Variants in DCHS2 observed in about 807,000 individuals in gnomAD.
The protein encoded by DCHS2 is protocadherin-23.
DCHS2 carries 142 observed loss-of-function variants against 182.4 expected under a neutral mutation model. The observed-to-expected ratio is 0.78, with a 90% CI of 0.68 to 0.89. The LOEUF (loss-of-function observed/expected upper bound fraction) is 0.89, where lower values mean the gene tolerates loss of function less well. Ranked by LOEUF, DCHS2 falls within the 40% of genes least tolerant of loss-of-function variation. DCHS2 has a pLI of 0.00. For missense variants in DCHS2, 4,319 were observed against 4,198.6 expected, an observed-to-expected ratio of 1.03 and a Z score of -0.79; for synonymous variants, 1,740 against 1,663.3, an observed-to-expected ratio of 1.05 and a Z score of -1.12.
chr4:154,417,655 C>T (rs1732929523), intron 1 of DCHS2, among the ~76,000 whole-genome samples: 1 of 152,188 alleles, frequency 6.6e-6, no homozygotes, highest in African/African-American at 2.4e-5. Context: ...TCAGATTTCA[C>T]TGAGCACCCT....
intron 16 of DCHS2, among the ~76,000 whole-genome samples, chr4:154,245,738 G>C (rs1732042257): frequency 6.6e-6 from 1 of 152,084 alleles, no homozygotes; most frequent in African/African-American, 2.4e-5. Flanking sequence ...AATGAGGGAA[G>C]ATATTAGTGG....
rs2111058951 is a variant in DCHS2 at position 154,490,585 on chromosome 4, C to T, written c.771G>A (p.Glu257=). The T allele has an allele frequency of 1.9e-6, 3 of 1,545,550 alleles. No individual in the cohort carries two copies. Among genetic ancestry groups the T allele is most frequent in the Non-Finnish European group, 2.6e-6 (3 of 1,146,260 alleles). ...TCTGCAGCCGGTGCGCCGCCGCCTC[C>T]TCTCGGTCCAAGCGCCGCAGCAGCA... The part of the protein sequence containing the change: ...DLVLLRRLDR[E]EAAAHRLQIE... The change falls in exon 1 of 20, where the codon GAG becomes GAA. Residue 257 remains glutamate, a synonymous_variant. Coordinates refer to ENST00000357232, the MANE Select transcript of DCHS2 (RefSeq NM_001358235.2).
chr4:154,262,400 T>C (rs1239390084), intron 14 of DCHS2, among the ~76,000 whole-genome samples: 6 of 152,230 alleles, frequency 3.9e-5, no homozygotes, highest in African/African-American at 1.4e-4. Flanking sequence ...AAGCGTGTAC[T>C]GTCATCAGTG....
chr4:154,386,228 C>T (rs1473579915), intron 1 of DCHS2, among the ~76,000 whole-genome samples: 1 of 152,190 alleles, frequency 6.6e-6, no homozygotes, highest in East Asian at 1.9e-4. Context: ...TTTAATCTGA[C>T]CCCTGGCTAC....
intron 1 of DCHS2, among the ~76,000 whole-genome samples, chr4:154,488,290 A>C (rs1313524792): frequency 1.3e-5 from 2 of 152,200 alleles, no homozygotes; most frequent in African/African-American, 4.8e-5. Flanking sequence ...GAAAACTACA[A>C]GAGGCAAAAC....
At position 154,304,850 on chromosome 4, in the gene DCHS2, T is replaced by C. The variant is rs1370289135; in HGVS notation, c.5424A>G (p.Ser1808=). 1.6e-5 allele frequency: 26 copies of C among 1,613,046 alleles called. No homozygotes were observed. Among genetic ancestry groups the C allele is most frequent in the Non-Finnish European group, 2.1e-5 (25 of 1,179,564 alleles). Residue 1808 remains serine, a synonymous_variant, in exon 12 of 20, where the codon TCA becomes TCG. Transcript: ENST00000357232. ...AGAGGATTGTTGTGGTGCTGGACAA[T>C]GAAGGGAATCCCCCATCTCGTACTA... The part of the protein sequence containing the change: ...RVLVRDGGFP[S]LSSTTTILCT...
intron 1 of DCHS2, among the ~76,000 whole-genome samples, chr4:154,462,737 G>A (rs1003353537): frequency 2.6e-5 from 4 of 151,998 alleles, no homozygotes. Flanking sequence ...GGATAGAGGG[G>A]AAAACATTAT....
chr4:154,375,258 T>C (rs1357086200), intron 2 of DCHS2, among the ~76,000 whole-genome samples: 1 of 152,018 alleles, frequency 6.6e-6, no homozygotes, highest in African/African-American at 2.4e-5. Context: ...ATCCCTAAGA[T>C]AAGCAAATAT....
intron 1 of DCHS2, among the ~76,000 whole-genome samples, chr4:154,449,058 A>T (rs1350094620): frequency 6.6e-6 from 1 of 152,116 alleles, no homozygotes; most frequent in Non-Finnish European, 1.5e-5. Flanking sequence ...CCACAAACAC[A>T]CCTATATTGA....
chr4:154,339,864 A>G (rs191644177), intron 3 of DCHS2, among the ~76,000 whole-genome samples: 2 of 152,366 alleles, frequency 1.3e-5, no homozygotes, highest in African/African-American at 2.4e-5. Context: ...ACACTAATAC[A>G]TATACGATGT....
intron 13 of DCHS2, among the ~76,000 whole-genome samples, chr4:154,285,321 G>T (rs1248190637): frequency 6.6e-6 from 1 of 151,998 alleles, no homozygotes. Flanking sequence ...TGGCTATGGG[G>T]AGAGACCCTT....
At chr4:154,391,221 G>A (rs757423817) in intron 1 of DCHS2, 5 of 1,613,706 alleles carry the variant, frequency 3.1e-6, no homozygotes, top group South Asian at 1.1e-5. Flanking sequence ...ACAGGCATCA[G>A]TACTTTCAAA....
intron 13 of DCHS2, among the ~76,000 whole-genome samples, chr4:154,295,554 C>T (rs958428386): frequency 6.6e-6 from 1 of 152,186 alleles, no homozygotes; most frequent in African/African-American, 2.4e-5. Context: ...ATACCGTAGG[C>T]CCCTAACAAC....
At chr4:154,336,607 G>A (rs547867454) in intron 3 of DCHS2, among the ~76,000 whole-genome samples, 1 of 152,018 alleles carries the variant, frequency 6.6e-6, no homozygotes, top group African/African-American at 2.4e-5. Flanking sequence ...ATAAAAATCT[G>A]CCCTCTTGCA....
At chr4:154,287,965 A>G (rs1241463378) in intron 13 of DCHS2, among the ~76,000 whole-genome samples, 1 of 152,208 alleles carries the variant, frequency 6.6e-6, no homozygotes, top group Non-Finnish European at 1.5e-5. Flanking sequence ...ACACAACCAG[A>G]GAAAACCGCC....
chr4:154,234,895 C>A lies in DCHS2; in HGVS notation c.9757G>T (p.Asp3253Tyr), dbSNP rs1731380805. 1 of 1,613,844 alleles carries A rather than the reference C, an allele frequency of 6.2e-7. No homozygotes were observed. The part of the protein sequence containing the change: ...KFQPLASVFN[D>Y]IAKLKDEHLH... ...TGTTCATCCTTTAGTTTTGCAATAT[C>A]ATTAAATACTGAGGCAAGAGGTTGG... Residue 3253 changes from aspartate (D) to tyrosine (Y), a missense_variant, in exon 20 of 20, where the codon GAT becomes TAT. Physicochemically the swap from Asp to Tyr is radical, Grantham distance 160. Transcript: ENST00000357232.
intron 1 of DCHS2, among the ~76,000 whole-genome samples, chr4:154,389,515 G>A (rs28539576): frequency 0.51 from 60,354 of 119,460 alleles, 16,234 homozygotes; most frequent in South Asian, 0.58. Flanking sequence ...AAAGACAAAG[G>A]TTATATATAT....
At chr4:154,378,499 G>GGGAAGGAAGGAA (rs1199898647) in intron 1 of DCHS2, among the ~76,000 whole-genome samples, 1 of 56,312 alleles carries the variant, frequency 1.8e-5, no homozygotes, top group Non-Finnish European at 3.5e-5. Context: ...GAGGGAGGGT[G>GGGAAGGAAGGAA]GGAAGGAAGG....
Position 154,234,865 on chromosome 4 carries a change from G to A in DCHS2, c.9787C>T (p.His3263Tyr). 6.2e-7 allele frequency: 1 copy of A among 1,614,092 alleles called. No homozygotes were observed. The highest frequency in any genetic ancestry group is 1.1e-5 in the South Asian group (1 of 91,072). ...TTCTCTTTTGGAATGCCAGGCATATGCAAATGTTCATCCTTTAGTTTTGCA... is the reference window on the plus strand; with the variant it reads ...TTCTCTTTTGGAATGCCAGGCATATACAAATGTTCATCCTTTAGTTTTGCA... The part of the protein sequence containing the change: ...DIAKLKDEHL[H>Y]MPGIPKEKKS... Residue 3263 changes from histidine (H) to tyrosine (Y), a missense_variant, in exon 20 of 20, where the codon CAT (histidine) becomes TAT (tyrosine). By Grantham distance (83) the His-to-Tyr change is moderately conservative (BLOSUM62 2). Coordinates refer to ENST00000357232, the MANE Select transcript of DCHS2 (RefSeq NM_001358235.2).
Sources: gnomAD v4.1 joint callset for allele counts (sites outside exome capture counted in the v4.1 genomes callset) on GRCh38, gnomAD v4.1.1 for gene constraint, MANE v1.5 for transcripts, NCBI Gene and HGNC (gene_info 2026-07-23, HGNC 2026-07-21) for gene names.